The following RBFOX1 variants were observed in gnomAD, a reference collection of about 807,000 sequenced individuals.
The protein encoded by RBFOX1 is RNA binding fox-1 homolog 1.
In RBFOX1, 8 loss-of-function variants were observed where a neutral mutation model predicts 57.7. That is an observed-to-expected ratio of 0.14 (90% CI 0.08 to 0.25). The LOEUF (loss-of-function observed/expected upper bound fraction) is 0.25, where lower values mean the gene tolerates loss of function less well. RBFOX1 is among the 10% of genes least tolerant of loss of function. The pLI, the probability that RBFOX1 is intolerant of heterozygous loss-of-function variation, is 1.00. For missense variants in RBFOX1, 611 were observed against 548.5 expected, an observed-to-expected ratio of 1.11 and a Z score of -1.14; for synonymous variants, 326 against 222.4, an observed-to-expected ratio of 1.47 and a Z score of -4.15.
chr16:7,246,282 C>T (rs953382803), intron 4 of RBFOX1, among the ~76,000 whole-genome samples: 4 of 152,264 alleles, frequency 2.6e-5, no homozygotes, highest in African/African-American at 9.6e-5. Flanking sequence ...ATCCAATTGC[C>T]TCTCACCTGG....
At chr16:6,547,990 T>C (rs2096919420) in intron 2 of RBFOX1, among the ~76,000 whole-genome samples, 2 of 152,162 alleles carry the variant, frequency 1.3e-5, no homozygotes, top group Non-Finnish European at 2.9e-5. Context: ...ACACTGAAAG[T>C]CCTTTAATCA....
intron 2 of RBFOX1, among the ~76,000 whole-genome samples, chr16:6,571,854 ATT>A (rs2097349225): frequency 1.4e-5 from 2 of 144,822 alleles, no homozygotes; most frequent in African/African-American, 5.8e-5. Flanking sequence ...GAGTGGTTTG[ATT>A]GAGGATGATA....
chr16:6,555,256 T>A (rs1487366389), intron 2 of RBFOX1, among the ~76,000 whole-genome samples: 1 of 152,222 alleles, frequency 6.6e-6, no homozygotes, highest in Non-Finnish European at 1.5e-5. Flanking sequence ...CCTGTCTCTT[T>A]AATTAATTTC....
At chr16:7,484,679 G>T (rs777702895) in intron 4 of RBFOX1, among the ~76,000 whole-genome samples, 3 of 152,192 alleles carry the variant, frequency 2.0e-5, no homozygotes, top group Non-Finnish European at 2.9e-5. Flanking sequence ...GGTCAGGCTG[G>T]TCTTGAACTC....
At chr16:5,562,978 C>T (rs1406127070) in intron 2 of RBFOX1, among the ~76,000 whole-genome samples, 4 of 152,160 alleles carry the variant, frequency 2.6e-5, no homozygotes, top group South Asian at 2.1e-4. Context: ...GAAATGGAGT[C>T]TCGCTTTGTC....
At chr16:7,297,650 C>A (rs757475792) in intron 4 of RBFOX1, among the ~76,000 whole-genome samples, 2 of 152,018 alleles carry the variant, frequency 1.3e-5, no homozygotes, top group Non-Finnish European at 2.9e-5. Flanking sequence ...AAAAATTATT[C>A]TTTAGGAACG....
intron 3 of RBFOX1, among the ~76,000 whole-genome samples, chr16:7,042,903 G>C (rs553757768): frequency 2.1e-4 from 32 of 152,302 alleles, no homozygotes; most frequent in Non-Finnish European, 4.4e-4. Context: ...TCCAGCCTGG[G>C]TGACAGAGGA....
chr16:6,645,107 A>G (rs571856957), intron 2 of RBFOX1, among the ~76,000 whole-genome samples: 1 of 152,284 alleles, frequency 6.6e-6, no homozygotes, highest in Non-Finnish European at 1.5e-5. Context: ...TTAGTGTCAC[A>G]TGACTTGTAG....
intron 3 of RBFOX1, among the ~76,000 whole-genome samples, chr16:6,806,843 T>C (rs1444328102): frequency 7.4e-6 from 1 of 135,354 alleles, no homozygotes; most frequent in Non-Finnish European, 1.6e-5. Context: ...TATATTTTTT[T>C]TTTTTTTTGA....
chr16:5,652,271 T>C (rs913072764), intron 3 of RBFOX1, among the ~76,000 whole-genome samples: 1 of 152,200 alleles, frequency 6.6e-6, no homozygotes, highest in East Asian at 1.9e-4. Context: ...AACTACCTTA[T>C]AGGGTAGCTG....
chr16:6,071,710 G>A (rs2095839976), intron 1 of RBFOX1, among the ~76,000 whole-genome samples: 1 of 152,166 alleles, frequency 6.6e-6, no homozygotes, highest in Non-Finnish European at 1.5e-5. Context: ...TTCACACAGT[G>A]TAACTTCAAG....
chr16:7,428,323 CT>C (rs201523653), intron 4 of RBFOX1, among the ~76,000 whole-genome samples: 4,613 of 112,282 alleles, frequency 0.041, 147 homozygotes, highest in African/African-American at 0.15. Flanking sequence ...GAATTAATAT[CT>C]TTTTTTTTTT....
rs189807619 is a variant in RBFOX1 at position 7,705,643 on chromosome 16, G to A, written c.996-3413G>A. On this transcript the variant is annotated intron_variant, in intron 14 of 15. Transcript: ENST00000550418. ...TAGGATCAATGGAAAACTATTGAAG[G>A]GTTTTAAGCGGGGAGTCATAGGATT... Among the ~76,000 whole-genome samples the A allele has an allele frequency of 2.1e-3, 317 of 152,322 alleles. 3 individuals carry two copies. The Middle Eastern group carries it at 0.031, about 15-fold the overall frequency.
chr16:6,404,135 A>G (rs114030815), intron 2 of RBFOX1, among the ~76,000 whole-genome samples: 2,120 of 152,250 alleles, frequency 0.014, 47 homozygotes, highest in African/African-American at 0.047. Flanking sequence ...AAAAATATAT[A>G]TTTTAAATTG....
At chr16:5,731,365 A>G (rs532174825) in intron 3 of RBFOX1, among the ~76,000 whole-genome samples, 26 of 152,314 alleles carry the variant, frequency 1.7e-4, no homozygotes, top group African/African-American at 6.0e-4. Flanking sequence ...ATCAATTCAT[A>G]TTTACAAAGT....
intron 1 of RBFOX1, among the ~76,000 whole-genome samples, chr16:5,443,233 C>A (rs1271643603): frequency 3.3e-5 from 5 of 152,144 alleles, no homozygotes; most frequent in Non-Finnish European, 7.4e-5. Flanking sequence ...ATAGGAAAAA[C>A]CCAACCTAAT....
At chr16:7,265,527 T>C (rs1480400360) in intron 4 of RBFOX1, among the ~76,000 whole-genome samples, 3 of 151,918 alleles carry the variant, frequency 2.0e-5, no homozygotes, top group African/African-American at 7.3e-5. Context: ...CAGCTCACTG[T>C]AACCTCCGCC....
chr16:7,690,732 C>G (rs957532536), intron 14 of RBFOX1, among the ~76,000 whole-genome samples: 4 of 152,046 alleles, frequency 2.6e-5, no homozygotes, highest in Non-Finnish European at 4.4e-5. Flanking sequence ...TCATATGTGT[C>G]TCTGGTCATC....
chr16:7,333,245 C>A (rs924876406), intron 4 of RBFOX1, among the ~76,000 whole-genome samples: 1 of 152,242 alleles, frequency 6.6e-6, no homozygotes, highest in Non-Finnish European at 1.5e-5. Flanking sequence ...ATGGATCACC[C>A]TAATCTAGCT....
Sources: allele counts gnomAD v4.1 joint callset (sites outside exome capture counted in the v4.1 genomes callset), GRCh38; gene constraint gnomAD v4.1.1; transcripts MANE v1.5; gene names NCBI Gene and HGNC (gene_info 2026-07-23, HGNC 2026-07-21).